SLC25A21: variants seen among roughly 807,000 people sequenced by gnomAD.
SLC25A21 encodes solute carrier family 25 member 21, also known as mitochondrial 2-oxodicarboxylate carrier.
Under a neutral mutation model 43.8 loss-of-function variants are expected in SLC25A21, and 47 were observed. That is an observed-to-expected ratio of 1.07 (90% CI 0.85 to 1.37). The LOEUF is 1.37. SLC25A21 is among the 40% of genes most tolerant of loss of function. The pLI, the probability that SLC25A21 is intolerant of heterozygous loss-of-function variation, is 0.00. For synonymous variants in SLC25A21, 131 were observed against 121.3 expected, an observed-to-expected ratio of 1.08 and a Z score of -0.52; for missense variants, 352 against 350.2, an observed-to-expected ratio of 1.00 and a Z score of -0.04.
chr14:37,059,891 G>C (rs545375983), intron 1 of SLC25A21, among the ~76,000 whole-genome samples: 2 of 152,296 alleles, frequency 1.3e-5, no homozygotes, highest in East Asian at 3.9e-4. Flanking sequence ...CACTCCAGCA[G>C]AGGGCTGAGT....
At chr14:36,907,173 G>GT (rs763668479) in intron 1 of SLC25A21, among the ~76,000 whole-genome samples, 3 of 152,138 alleles carry the variant, frequency 2.0e-5, no homozygotes, top group Admixed American at 6.6e-5. Context: ...ACCTTTGAGA[G>GT]TTTTTTATCA....
chr14:37,020,996 C>T (rs1033189768), intron 1 of SLC25A21, among the ~76,000 whole-genome samples: 5 of 151,968 alleles, frequency 3.3e-5, no homozygotes, highest in East Asian at 1.9e-4. Context: ...TTAAGCCAGA[C>T]GTTTCCTGAG....
chr14:37,153,788 C>T lies in SLC25A21; in HGVS notation c.70+18493G>A, dbSNP rs1963800181. Among the ~76,000 whole-genome samples, 3 of 152,346 alleles carry T rather than the reference C, an allele frequency of 2.0e-5. No homozygotes were observed. In the South Asian group the frequency reaches 6.2e-4, roughly 32 times the overall value. ...CCACGAGCCTAGCTTCGCTCCTTCA[C>T]TTCTCCCACCTTAACAGAGCACATA... On this transcript the variant is annotated intron_variant, in intron 1 of 9. Coordinates refer to ENST00000331299, the MANE Select transcript of SLC25A21 (RefSeq NM_030631.4).
chr14:36,707,049 T>G (rs1042032451), intron 7 of SLC25A21, among the ~76,000 whole-genome samples: 2 of 152,224 alleles, frequency 1.3e-5, no homozygotes, highest in African/African-American at 4.8e-5. Flanking sequence ...CATTCTTGCC[T>G]TCACCTTTTT....
At chr14:36,950,639 A>T (rs1234578121) in intron 1 of SLC25A21, among the ~76,000 whole-genome samples, 1 of 152,146 alleles carries the variant, frequency 6.6e-6, no homozygotes, top group Non-Finnish European at 1.5e-5. Flanking sequence ...AATTCCTATT[A>T]TGTTTAGGAG....
At chr14:36,999,524 G>A (rs1477668203) in intron 1 of SLC25A21, among the ~76,000 whole-genome samples, 3 of 152,106 alleles carry the variant, frequency 2.0e-5, no homozygotes, top group Non-Finnish European at 4.4e-5. Flanking sequence ...AGGTGATAAT[G>A]ATGTGGCAAT....
At chr14:36,850,947 C>T (rs1889714513) in intron 2 of SLC25A21, among the ~76,000 whole-genome samples, 1 of 152,186 alleles carries the variant, frequency 6.6e-6, no homozygotes, top group East Asian at 1.9e-4. Context: ...CTATTCTTTT[C>T]CTCTACTGCA....
At chr14:36,828,690 T>G (rs1888924163) in intron 2 of SLC25A21, 1 of 152,292 alleles carries the variant, frequency 6.6e-6, no homozygotes, top group African/African-American at 2.4e-5. Flanking sequence ...ATTGGGATTG[T>G]ACTGTGACTC....
At chr14:37,057,918 A>G (rs1277804731) in intron 1 of SLC25A21, among the ~76,000 whole-genome samples, 3 of 152,150 alleles carry the variant, frequency 2.0e-5, no homozygotes, top group Admixed American at 1.3e-4. Context: ...TTCAGCCCCT[A>G]CCTCACAGTA....
chr14:36,813,790 A>T (rs1888355753), intron 3 of SLC25A21, 128 bp downstream of exon 3: 2 of 658,978 alleles, frequency 3.0e-6, no homozygotes, highest in Non-Finnish European at 5.2e-6. Context: ...TAGGAAAAAC[A>T]TAACAAAGTA....
chr14:37,010,921 C>G (rs1960716556), intron 1 of SLC25A21, among the ~76,000 whole-genome samples: 1 of 151,994 alleles, frequency 6.6e-6, no homozygotes, highest in Non-Finnish European at 1.5e-5. Context: ...ACTTCTTTTT[C>G]TGTCGCCCAG....
Position 36,679,930 on chromosome 14 carries a change from ACCT to A in SLC25A21, c.*725_*727del, listed in dbSNP as rs1324286823. Reference sequence around the variant, plus strand: ...ACTTGTGTTAGAAGAGATTTGGAATACCTTGATTTAAACATGCTTAAACAACAG... The same window carrying A: ...ACTTGTGTTAGAAGAGATTTGGAATATGATTTAAACATGCTTAAACAACAG... On this transcript the variant is annotated 3_prime_UTR_variant, in exon 10 of 10. Coordinates refer to ENST00000331299, the MANE Select transcript of SLC25A21 (RefSeq NM_030631.4). The A allele has an allele frequency of 3.2e-6, 3 of 928,632 alleles. No individual in the cohort carries two copies. Among genetic ancestry groups the A allele is most frequent in the African/African-American group, 1.8e-5 (1 of 54,656 alleles). The allele number at this position is 928,632 out of a possible 1,614,324, so 57.5% of individuals were successfully genotyped here.
intron 2 of SLC25A21, among the ~76,000 whole-genome samples, chr14:36,860,577 C>G (rs182976931): frequency 2.6e-5 from 4 of 152,134 alleles, no homozygotes; most frequent in Admixed American, 6.6e-5. Flanking sequence ...ACAGCCTGTC[C>G]GCAAAGGAAT....
intron 1 of SLC25A21, among the ~76,000 whole-genome samples, chr14:37,081,161 A>C (rs747187547): frequency 7.2e-5 from 11 of 152,150 alleles, no homozygotes; most frequent in African/African-American, 1.2e-4. Flanking sequence ...ACTCTTCTCA[A>C]CTTTATTTGG....
At chr14:36,992,012 G>C (rs976391968) in intron 1 of SLC25A21, among the ~76,000 whole-genome samples, 5 of 152,242 alleles carry the variant, frequency 3.3e-5, no homozygotes, top group African/African-American at 1.2e-4. Flanking sequence ...TTCTATCAGT[G>C]GTTTCTTTAT....
At position 37,005,374 on chromosome 14, in the gene SLC25A21, A is replaced by G. The variant is rs1960578978; in HGVS notation, c.71-130370T>C. On this transcript the variant is annotated intron_variant, in intron 1 of 9. Transcript: ENST00000331299. ...GGTTCTTGGTTCCCATCTGTAGCCA[A>G]TGTGCCATCTTGTTCCGTTTCCCTT... 2.6e-5 allele frequency among the ~76,000 whole-genome samples: 4 copies of G among 152,246 alleles called. No individual in the cohort carries two copies. The South Asian group carries it at 6.2e-4, about 24-fold the overall frequency.
intron 1 of SLC25A21, among the ~76,000 whole-genome samples, chr14:37,130,648 C>G (rs1484339521): frequency 6.6e-6 from 1 of 152,204 alleles, no homozygotes; most frequent in Non-Finnish European, 1.5e-5. Context: ...AGCCTGTGTG[C>G]AGTGCATGGC....
chr14:36,711,171 C>G (rs1566524943), intron 7 of SLC25A21, 147 bp downstream of exon 7: 3 of 702,956 alleles, frequency 4.3e-6, no homozygotes, highest in Non-Finnish European at 6.9e-6. Context: ...GCAGGGATAA[C>G]AGCACTCAAT....
chr14:36,700,348 T>C (rs2139168874), intron 7 of SLC25A21, among the ~76,000 whole-genome samples: 1 of 152,338 alleles, frequency 6.6e-6, no homozygotes, highest in African/African-American at 2.4e-5. Flanking sequence ...CCTAGTGTAC[T>C]CTGCATTTGA....
Sources: allele counts gnomAD v4.1 joint callset (sites outside exome capture counted in the v4.1 genomes callset), GRCh38; gene constraint gnomAD v4.1.1; transcripts MANE v1.5; gene names NCBI Gene and HGNC (gene_info 2026-07-23, HGNC 2026-07-21).